Variants in KALRN observed in about 807,000 individuals in gnomAD.
KALRN encodes kalirin.
Under a neutral mutation model 353.7 loss-of-function variants are expected in KALRN, and 70 were observed. That is an observed-to-expected ratio of 0.20 (90% CI 0.16 to 0.24). The LOEUF (loss-of-function observed/expected upper bound fraction) is 0.24, where lower values mean the gene tolerates loss of function less well. KALRN is among the 10% of genes least tolerant of loss of function. The pLI is 1.00. For synonymous variants in KALRN, 1,391 were observed against 1,434.8 expected (o/e 0.97, Z 0.69); for missense variants, 2,791 against 3,756.7 (o/e 0.74, Z 6.72).
At chr3:124,252,777 A>G (rs1374836653) in intron 3 of KALRN, among the ~76,000 whole-genome samples, 2 of 152,174 alleles carry the variant, frequency 1.3e-5, no homozygotes, top group African/African-American at 4.8e-5. Context: ...GCTGGTGGAG[A>G]ACAGTCACCC....
chr3:124,484,275 G>T (rs2062306351), intron 28 of KALRN, among the ~76,000 whole-genome samples: 1 of 152,220 alleles, frequency 6.6e-6, no homozygotes, highest in Admixed American at 6.5e-5. Flanking sequence ...CAGTGAAGGT[G>T]CAGGAGGCTG....
intron 1 of KALRN, among the ~76,000 whole-genome samples, chr3:124,123,170 A>G (rs1342729346): frequency 6.8e-6 from 1 of 146,836 alleles, no homozygotes; most frequent in African/African-American, 2.5e-5. Context: ...ACTGCACTCC[A>G]GCCTGGACAA....
At chr3:124,532,308 T>C (rs2068110482) in intron 33 of KALRN, among the ~76,000 whole-genome samples, 1 of 152,266 alleles carries the variant, frequency 6.6e-6, no homozygotes, top group South Asian at 2.1e-4. Flanking sequence ...ACTCCATTAT[T>C]ACGTAGCTTG....
intron 42 of KALRN, among the ~76,000 whole-genome samples, 183 bp downstream of exon 42, chr3:124,658,700 C>T (rs972244100): frequency 6.6e-6 from 1 of 152,202 alleles, no homozygotes; most frequent in Non-Finnish European, 1.5e-5. Context: ...CTCATGAGCA[C>T]CTTCACTTGA....
chr3:124,721,674 T>C lies in KALRN; in HGVS notation c.*2204T>C, dbSNP rs1390102302. On this transcript the variant is annotated 3_prime_UTR_variant, in exon 60 of 60. Transcript: ENST00000682506. ...GTATACAGCATAAAAGAGGAAAGCC[T>C]GAGCCGGGCGCGGCGGCTCACGCCT... 6.6e-6 allele frequency: 1 copy of C among 152,204 alleles called. No homozygotes were observed. Among genetic ancestry groups the C allele is most frequent in the Non-Finnish European group, 1.5e-5 (1 of 68,050 alleles). The allele number at this position is 152,204 out of a possible 1,614,324, so 9.4% of individuals were successfully genotyped here.
At chr3:124,439,152 T>C (rs905632420) in intron 18 of KALRN, 115 bp downstream of exon 18, 1 of 938,500 alleles carries the variant, frequency 1.1e-6, no homozygotes, top group African/African-American at 1.7e-5. Context: ...TCTCTTTCTC[T>C]CTCTTTCTCT....
chr3:124,704,798 C>T (rs888567862), intron 57 of KALRN, among the ~76,000 whole-genome samples: 2 of 152,198 alleles, frequency 1.3e-5, no homozygotes. Flanking sequence ...AATCCACCCA[C>T]CTTGGCCTCC....
chr3:124,425,051 A>G (rs1294373401), intron 15 of KALRN, among the ~76,000 whole-genome samples: 2 of 151,784 alleles, frequency 1.3e-5, no homozygotes, highest in Non-Finnish European at 2.9e-5. Context: ...CAGAAATACT[A>G]CATGCATGTG....
At chr3:124,679,005 T>C (rs992493484) in intron 50 of KALRN, among the ~76,000 whole-genome samples, 7 of 152,162 alleles carry the variant, frequency 4.6e-5, no homozygotes, top group Non-Finnish European at 8.8e-5. Flanking sequence ...CAATGGAAAC[T>C]AGACACTGAT....
rs140761774 is a variant in KALRN, at chr3:124,632,873, G to T, written c.5466+170G>T. 3.5e-3 allele frequency among the ~76,000 whole-genome samples: 535 copies of T among 152,326 alleles called. 3 individuals are homozygous for T. Among genetic ancestry groups the T allele is most frequent in the Admixed American group, 0.011 (173 of 15,298 alleles). On this transcript the variant is annotated intron_variant, in intron 35 of 59. Transcript: ENST00000682506. ...ACATTGGCCAGTTTGATTTGTGGCTGATTCAGAAGCTGACTAGCCCCTAAG... is the reference window on the plus strand; with the variant it reads ...ACATTGGCCAGTTTGATTTGTGGCTTATTCAGAAGCTGACTAGCCCCTAAG...
At chr3:124,173,139 T>C (rs2072126163) in intron 1 of KALRN, among the ~76,000 whole-genome samples, 1 of 152,048 alleles carries the variant, frequency 6.6e-6, no homozygotes, top group Non-Finnish European at 1.5e-5. Flanking sequence ...TCACAGCAAG[T>C]AGACTAGAAG....
intron 10 of KALRN, among the ~76,000 whole-genome samples, chr3:124,368,532 C>A (rs1415042235): frequency 1.3e-5 from 2 of 150,408 alleles, no homozygotes; most frequent in Non-Finnish European, 3.0e-5. Flanking sequence ...CTCCTCACTT[C>A]CTAGATGGGA....
At chr3:124,631,491 A>C (rs2080774701) in intron 34 of KALRN, among the ~76,000 whole-genome samples, 1 of 152,154 alleles carries the variant, frequency 6.6e-6, no homozygotes, top group Admixed American at 6.5e-5. Flanking sequence ...CCAAAACCTG[A>C]GATACCCTTG....
chr3:124,184,896 T>G (rs187954055), intron 1 of KALRN, among the ~76,000 whole-genome samples: 2 of 152,304 alleles, frequency 1.3e-5, no homozygotes, highest in African/African-American at 4.8e-5. Context: ...GGGATGAGCC[T>G]GGAAGCAGGG....
At chr3:124,047,355 CAGAA>C (rs1314871225) in intron 1 of KALRN, among the ~76,000 whole-genome samples, 3 of 152,206 alleles carry the variant, frequency 2.0e-5, no homozygotes, top group African/African-American at 4.8e-5. Flanking sequence ...AGAGAACAAT[CAGAA>C]AGGGAGTTTT....
At chr3:124,181,060 A>C (rs554168262) in intron 1 of KALRN, among the ~76,000 whole-genome samples, 6 of 136,040 alleles carry the variant, frequency 4.4e-5, no homozygotes, top group African/African-American at 1.7e-4. Context: ...GCAAAACCCC[A>C]TCTCTACTAA....
At chr3:124,171,088 A>G (rs1042616398) in intron 1 of KALRN, among the ~76,000 whole-genome samples, 7 of 151,922 alleles carry the variant, frequency 4.6e-5, no homozygotes, top group African/African-American at 1.7e-4. Flanking sequence ...AAGTGTTGGG[A>G]TTACAGGCAT....
intron 3 of KALRN, among the ~76,000 whole-genome samples, chr3:124,253,355 C>T (rs2071442346): frequency 6.6e-6 from 1 of 152,214 alleles, no homozygotes; most frequent in Admixed American, 6.5e-5. Flanking sequence ...TTAGGGTAGA[C>T]ATGGGTGCAG....
chr3:124,141,188 G>C (rs185813528), intron 1 of KALRN, among the ~76,000 whole-genome samples: 14 of 152,064 alleles, frequency 9.2e-5, no homozygotes, highest in African/African-American at 3.4e-4. Flanking sequence ...ATGCCTAATA[G>C]CTCCTTCCCT....
Sources: gnomAD v4.1 joint callset for allele counts (sites outside exome capture counted in the v4.1 genomes callset) on GRCh38, gnomAD v4.1.1 for gene constraint, MANE v1.5 for transcripts, NCBI Gene and HGNC (gene_info 2026-07-23, HGNC 2026-07-21) for gene names.